The following TXLNB variants were observed in gnomAD, a reference collection of about 807,000 sequenced individuals.
TXLNB encodes taxilin beta.
A neutral mutation model predicts 57.4 loss-of-function variants in TXLNB; 37 were observed. That is an observed-to-expected ratio of 0.64 (90% CI 0.50 to 0.85). The LOEUF is 0.85. Ranked by LOEUF, TXLNB falls within the 40% of genes least tolerant of loss-of-function variation. The probability of loss-of-function intolerance (pLI) is 0.00; values close to 1 mark genes in which losing one functional copy is unlikely to be tolerated. For synonymous variants in TXLNB, 302 were observed against 309.6 expected, an observed-to-expected ratio of 0.98 and a Z score of 0.26; for missense variants, 848 against 825.6, an observed-to-expected ratio of 1.03 and a Z score of -0.33.
At chr6:139,225,349 A>G in the TXLNB span, among the ~76,000 whole-genome samples, 1 of 152,190 alleles carries the variant, frequency 6.6e-6, no homozygotes, top group African/African-American at 2.4e-5. Flanking sequence ...AGAAAAATTA[A>G]TAAAAGAGAT....
the TXLNB span, among the ~76,000 whole-genome samples, chr6:139,220,833 G>A: frequency 6.6e-6 from 1 of 152,132 alleles, no homozygotes; most frequent in Admixed American, 6.5e-5. Context: ...AAATAAAACA[G>A]AAACTCAGAG....
the TXLNB span, among the ~76,000 whole-genome samples, chr6:139,191,149 G>A: frequency 1.3e-4 from 19 of 151,956 alleles, no homozygotes; most frequent in Non-Finnish European, 5.9e-5. Context: ...GCCAGGCGCG[G>A]TGGCTTACGT....
the TXLNB span, chr6:139,180,553 T>C: frequency 1.3e-5 from 2 of 152,668 alleles, no homozygotes; most frequent in Non-Finnish European, 2.9e-5. Flanking sequence ...TCCTGTTCAC[T>C]GAATATTCCG....
At chr6:139,259,962 C>T (rs1776438891) in intron 6 of TXLNB, among the ~76,000 whole-genome samples, 1 of 152,176 alleles carries the variant, frequency 6.6e-6, no homozygotes, top group Non-Finnish European at 1.5e-5. Flanking sequence ...ATGGTTCACA[C>T]CTGTAATCCC....
At chr6:139,219,701 C>A in the TXLNB span, among the ~76,000 whole-genome samples, 4 of 152,152 alleles carry the variant, frequency 2.6e-5, no homozygotes, top group Non-Finnish European at 5.9e-5. Context: ...GGCAGGCAGG[C>A]CTTTCCTTCT....
rs1775973365 is a variant in TXLNB, at chr6:139,242,769, C to T, written c.1812G>A (p.Trp604Ter). The change falls in exon 10 of 10, where the codon TGG becomes TGA. Residue 604 changes from tryptophan (W) to a stop codon, truncating the protein, a stop_gained. Coordinates refer to ENST00000358430, the MANE Select transcript of TXLNB (RefSeq NM_153235.4). LOFTEE classifies it low-confidence loss of function (END_TRUNC). Reference sequence around the variant, plus strand: ...GACCGGAAGCTTCTGCCTCTGGCTTCCAGGACGCCTGATCAGCCTGTGCTC... The same window carrying T: ...GACCGGAAGCTTCTGCCTCTGGCTTTCAGGACGCCTGATCAGCCTGTGCTC... Reference protein sequence around the residue: ...PVGAQADQASWKPEAEASGQA... With the variant: ...PVGAQADQAS 1.2e-6 allele frequency: 2 copies of T among 1,614,120 alleles called. No homozygotes were observed. Among genetic ancestry groups the T allele is most frequent in the Non-Finnish European group, 8.5e-7 (1 of 1,180,012 alleles).
intron 3 of TXLNB, among the ~76,000 whole-genome samples, chr6:139,271,122 G>C (rs1776750306): frequency 6.6e-6 from 1 of 152,120 alleles, no homozygotes; most frequent in African/African-American, 2.4e-5. Context: ...AGAAGATGAA[G>C]TTCTCTTCTT....
the TXLNB span, among the ~76,000 whole-genome samples, chr6:139,217,415 T>C: frequency 6.6e-6 from 1 of 152,108 alleles, no homozygotes; most frequent in Non-Finnish European, 1.5e-5. Flanking sequence ...AACTGAATAT[T>C]TATGAGTGAA....
chr6:139,222,248 TAA>T, the TXLNB span, among the ~76,000 whole-genome samples: 1 of 151,872 alleles, frequency 6.6e-6, no homozygotes, highest in East Asian at 1.9e-4. Flanking sequence ...AAATTGAAAA[TAA>T]AAGTGTGGAG....
rs2114486596 is a variant in TXLNB, at chr6:139,255,563, C to T, written c.1077+1G>A. On this transcript the variant is annotated splice_donor_variant, in intron 7 of 9. Coordinates refer to ENST00000358430, the MANE Select transcript of TXLNB (RefSeq NM_153235.4). LOFTEE classifies it high-confidence loss of function. ...CCCATGCCTCGTCCACCTGGCCTCACCTGAGCCTGCAGGACTGTCTCTTGC... is the reference window on the plus strand; with the variant it reads ...CCCATGCCTCGTCCACCTGGCCTCATCTGAGCCTGCAGGACTGTCTCTTGC... 1 of 1,613,854 alleles carries T rather than the reference C, an allele frequency of 6.2e-7. No individual in the cohort carries two copies. Among genetic ancestry groups the T allele is most frequent in the Non-Finnish European group, 8.5e-7 (1 of 1,179,800 alleles).
the TXLNB span, among the ~76,000 whole-genome samples, chr6:139,320,418 A>G: frequency 5.9e-5 from 9 of 152,208 alleles, no homozygotes; most frequent in African/African-American, 1.9e-4. Flanking sequence ...TTATGAGTTG[A>G]TATTTTCAGT....
rs886518632 is a variant in TXLNB, at chr6:139,276,280, G to A, written c.516+550C>T. 3.9e-5 allele frequency among the ~76,000 whole-genome samples: 6 copies of A among 152,034 alleles called. No homozygotes were observed. In the South Asian group the frequency reaches 6.2e-4, roughly 16 times the overall value. On this transcript the variant is annotated intron_variant, in intron 3 of 9. Coordinates refer to ENST00000358430, the MANE Select transcript of TXLNB (RefSeq NM_153235.4). ...ACTATGTCAATATACCTAAAAATGC[G>A]TATATGTACAAAAGAAAGATTATTC...
the TXLNB span, among the ~76,000 whole-genome samples, chr6:139,193,404 G>A: frequency 6.6e-6 from 1 of 151,994 alleles, no homozygotes; most frequent in Non-Finnish European, 1.5e-5. Context: ...AATGTCAGTG[G>A]CTGAAACAAA....
the TXLNB span, chr6:139,200,002 T>C: frequency 6.6e-6 from 1 of 152,182 alleles, no homozygotes; most frequent in African/African-American, 2.4e-5. Flanking sequence ...TCTATCAATG[T>C]CTTTGCTCTG....
the TXLNB span, among the ~76,000 whole-genome samples, chr6:139,312,822 G>A: frequency 6.6e-6 from 1 of 152,192 alleles, no homozygotes; most frequent in Non-Finnish European, 1.5e-5. Context: ...CTGAGGAGAG[G>A]ATGACTGTAA....
At chr6:139,250,177 C>CTT (rs529236500) in intron 7 of TXLNB, among the ~76,000 whole-genome samples, 11,786 of 124,270 alleles carry the variant, frequency 0.095, 652 homozygotes, top group African/African-American at 0.13. Context: ...CCATGTCTGG[C>CTT]TTTTTTTTTT....
the TXLNB span, among the ~76,000 whole-genome samples, chr6:139,181,621 A>ATCTC: frequency 6.6e-6 from 1 of 152,298 alleles, no homozygotes; most frequent in Middle Eastern, 3.4e-3. Flanking sequence ...GTCATTGTTA[A>ATCTC]TCTCTTACTG....
chr6:139,228,318 A>G, the TXLNB span, among the ~76,000 whole-genome samples: 1 of 152,076 alleles, frequency 6.6e-6, no homozygotes, highest in Non-Finnish European at 1.5e-5. Flanking sequence ...GCATTTGAGA[A>G]CAGCCTGGCC....
intron 2 of TXLNB, chr6:139,277,123 G>A: frequency 1.9e-6 from 1 of 519,926 alleles, no homozygotes. Context: ...TGAATGTGTG[G>A]TACGGTGTGA....
Sources: gnomAD v4.1 joint callset for allele counts (sites outside exome capture counted in the v4.1 genomes callset) on GRCh38, gnomAD v4.1.1 for gene constraint, MANE v1.5 for transcripts, NCBI Gene and HGNC (gene_info 2026-07-23, HGNC 2026-07-21) for gene names.